Variants in USP24 observed in about 807,000 individuals in gnomAD.
USP24 encodes the protein ubiquitin specific peptidase 24.
USP24 carries 97 observed loss-of-function variants against 361.6 expected under a neutral mutation model. That is an observed-to-expected ratio of 0.27 (90% CI 0.23 to 0.32). The LOEUF is 0.32. Among genes scored for constraint, USP24 ranks in the 10% least tolerant of loss-of-function variants. The pLI, the probability that USP24 is intolerant of heterozygous loss-of-function variation, is 1.00. For missense variants in USP24, 2,353 were observed against 3,165.6 expected (o/e 0.74, Z 6.16); for synonymous variants, 1,098 against 1,124.6 (o/e 0.98, Z 0.47).
Position 55,083,756 on chromosome 1 carries a change from G to GA in USP24, c.6882+15dup, listed in dbSNP as rs758431527. The GA allele has an allele frequency of 1.9e-6, 3 of 1,539,918 alleles. No homozygotes were observed. The Admixed American group carries it at 6.1e-5, about 31-fold the overall frequency. ...CTTCTGTATTAGGAAAAGATATTAG[G>GA]AAAAAAATTATTTACCTTTTGTACA... On this transcript the variant is annotated intron_variant, in intron 57 of 67. Coordinates refer to ENST00000294383, the MANE Select transcript of USP24 (RefSeq NM_015306.3).
chr1:55,093,832 GC>G, intron 52 of USP24, 104 bp downstream of exon 52: 6 of 1,464,118 alleles, frequency 4.1e-6, no homozygotes, highest in Non-Finnish European at 5.5e-6. Flanking sequence ...AGACGATGTA[GC>G]CCCAGTGGTA....
intron 1 of USP24, among the ~76,000 whole-genome samples, chr1:55,207,281 GAAAAAAA>G (rs71822893): frequency 7.5e-6 from 1 of 133,168 alleles, no homozygotes; most frequent in Admixed American, 7.7e-5. Context: ...ATGGAAAGGG[GAAAAAAA>G]AAAAAAAAGG....
rs999582621 is a variant in USP24 at position 55,098,516 on chromosome 1, T to A, written c.5413A>T (p.Ile1805Phe). The change falls in exon 46 of 68, where the codon ATC becomes TTC. Residue 1805 changes from isoleucine (I) to phenylalanine (F), a missense_variant. Coordinates refer to ENST00000294383, the MANE Select transcript of USP24 (RefSeq NM_015306.3). ...DQIFKNTFQG[I>F]YSDQKICKDC... The stretch of plus-strand genomic sequence containing the variant: ...TTACAGATCTTCTGATCAGAGTAGA[T>A]GCCCTGAAATGTATTCTTAAAAATT... The A allele has an allele frequency of 6.2e-7, 1 of 1,613,096 alleles. No homozygotes were observed.
At chr1:55,114,571 C>T (rs1437651705) in intron 38 of USP24, among the ~76,000 whole-genome samples, 1 of 152,132 alleles carries the variant, frequency 6.6e-6, no homozygotes, top group Non-Finnish European at 1.5e-5. Context: ...GAACAGAAGC[C>T]TCAGAAATAA....
At chr1:55,093,776 G>T (rs2100479436) in intron 52 of USP24, 161 bp downstream of exon 52, 2 of 950,280 alleles carry the variant, frequency 2.1e-6, no homozygotes, top group Non-Finnish European at 3.0e-6. Context: ...TAGCTCTATG[G>T]CCCCCTCTGT....
intron 1 of USP24, among the ~76,000 whole-genome samples, chr1:55,192,680 G>C (rs1644320295): frequency 6.6e-6 from 1 of 152,180 alleles, no homozygotes; most frequent in Non-Finnish European, 1.5e-5. Context: ...ATTTTTCAAA[G>C]CAATTTGGAG....
Position 55,097,868 on chromosome 1 carries a change from G to T in USP24, c.5595+75C>A. On this transcript the variant is annotated intron_variant, in intron 47 of 67. Transcript: ENST00000294383. The stretch of plus-strand genomic sequence containing the variant: ...GAAATAACAGTAGGAGCTTAATACT[G>T]ATTTTACATAAAACAAAGACGCACT... 14 of 1,530,500 alleles carry T rather than the reference G, an allele frequency of 9.1e-6. 1 individual carries two copies. Among genetic ancestry groups the T allele is most frequent in the Non-Finnish European group, 1.2e-5 (14 of 1,143,232 alleles). The allele number at this position is 1,530,500 out of a possible 1,614,324, so 94.8% of individuals were successfully genotyped here.
chr1:55,195,440 C>G (rs929028401), intron 1 of USP24, among the ~76,000 whole-genome samples: 1 of 152,198 alleles, frequency 6.6e-6, no homozygotes, highest in Admixed American at 6.5e-5. Context: ...AATTCTCATT[C>G]AGTATTTTCC....
chr1:55,177,089 A>G (rs1176560231), intron 2 of USP24, among the ~76,000 whole-genome samples: 2 of 146,752 alleles, frequency 1.4e-5, no homozygotes, highest in Non-Finnish European at 3.0e-5. Context: ...TCAAAAATCA[A>G]AAACCAAAAA....
In USP24 at chr1:55,130,602, T is replaced by A. The variant is rs75895072; in HGVS notation, c.3538-1028A>T. On this transcript the variant is annotated intron_variant, in intron 31 of 67. Coordinates refer to ENST00000294383, the MANE Select transcript of USP24 (RefSeq NM_015306.3). Reference sequence around the variant, plus strand: ...AAGATGCCTTCTTCCTAGGTTGCTCTGGAGAAACAGGTCCACCAACCTGGG... The same window carrying A: ...AAGATGCCTTCTTCCTAGGTTGCTCAGGAGAAACAGGTCCACCAACCTGGG... Among the ~76,000 whole-genome samples the A allele has an allele frequency of 8.7e-4, 132 of 152,296 alleles. 4 individuals are homozygous for A. The South Asian group carries it at 0.026, about 30-fold the overall frequency.
intron 1 of USP24, among the ~76,000 whole-genome samples, chr1:55,191,494 C>T (rs911947103): frequency 4.3e-4 from 61 of 141,982 alleles, no homozygotes; most frequent in Non-Finnish European, 5.3e-4. Flanking sequence ...ATGGCACTTT[C>T]TTTTTTTTTT....
chr1:55,187,220 C>G (rs187253523), intron 1 of USP24, among the ~76,000 whole-genome samples: 2 of 151,774 alleles, frequency 1.3e-5, no homozygotes, highest in East Asian at 3.9e-4. Flanking sequence ...AAAAACTTCA[C>G]AAAATGTAAC....
intron 26 of USP24, 79 bp from the exon 27 acceptor site, chr1:55,137,983 G>A: frequency 7.4e-7 from 1 of 1,357,532 alleles, no homozygotes; most frequent in Non-Finnish European, 1.0e-6. Context: ...ACATCTACTA[G>A]GTACTGGGCA....
At position 55,143,024 on chromosome 1, in the gene USP24, T is replaced by C. The variant is rs1371209257; in HGVS notation, c.2535A>G (p.Leu845=). The part of the protein sequence containing the change: ...DEEIANEAIQ[L]IINYSYINLN... Reference sequence around the variant, plus strand: ...GATTAATGTAACTATAGTTTATGATTAGCTGAATAGCTTCATTAGCAATTT... The same window carrying C: ...GATTAATGTAACTATAGTTTATGATCAGCTGAATAGCTTCATTAGCAATTT... The change falls in exon 22 of 68, where the codon CTA becomes CTG. Residue 845 remains leucine, a synonymous_variant. Transcript: ENST00000294383. 6.5e-7 allele frequency: 1 copy of C among 1,528,616 alleles called. No homozygotes were observed. Among genetic ancestry groups the C allele is most frequent in the African/African-American group, 1.4e-5 (1 of 71,806 alleles). The allele number at this position is 1,528,616 out of a possible 1,614,324, so 94.7% of individuals were successfully genotyped here. A position where few individuals can be genotyped will look rare whatever the true frequency, so the allele number is the denominator to read the frequency against.
At chr1:55,171,770 C>T in intron 4 of USP24, 92 bp from the exon 5 acceptor site, 1 of 1,361,834 alleles carries the variant, frequency 7.3e-7, no homozygotes, top group Non-Finnish European at 1.0e-6. Flanking sequence ...TAGCCTTTGA[C>T]TCCCCTCATT....
At chr1:55,157,765 C>A (rs189806425) in intron 10 of USP24, among the ~76,000 whole-genome samples, 12 of 148,614 alleles carry the variant, frequency 8.1e-5, no homozygotes, top group African/African-American at 3.0e-4. Context: ...ACCTAGGAGG[C>A]GGAGGTTGCA....
intron 67 of USP24, among the ~76,000 whole-genome samples, chr1:55,070,265 G>A (rs1308920513): frequency 6.6e-6 from 1 of 152,152 alleles, no homozygotes; most frequent in Non-Finnish European, 1.5e-5. Flanking sequence ...AGAGCTGGAT[G>A]TTCATGTTCA....
chr1:55,141,554 C>A, intron 24 of USP24, 62 bp downstream of exon 24: 1 of 1,402,070 alleles, frequency 7.1e-7, no homozygotes, highest in South Asian at 1.3e-5. Flanking sequence ...ACATAAAAAA[C>A]ACCAATCATT....
chr1:55,121,181 T>A (rs940454792), intron 37 of USP24, among the ~76,000 whole-genome samples: 1 of 152,208 alleles, frequency 6.6e-6, no homozygotes, highest in Non-Finnish European at 1.5e-5. Context: ...AGACACTGGT[T>A]GTAACGTTGT....
Sources: gnomAD v4.1 joint callset for allele counts (sites outside exome capture counted in the v4.1 genomes callset) on GRCh38, gnomAD v4.1.1 for gene constraint, MANE v1.5 for transcripts, NCBI Gene and HGNC (gene_info 2026-07-23, HGNC 2026-07-21) for gene names.